TNFRSF19: variants seen among roughly 807,000 people sequenced by gnomAD.
The protein encoded by TNFRSF19 is TNF receptor superfamily member 19, also known as tumor necrosis factor receptor superfamily member 19.
In TNFRSF19, 27 loss-of-function variants were observed where a neutral mutation model predicts 46.4. That is an observed-to-expected ratio of 0.58 (90% CI 0.43 to 0.80). The LOEUF (loss-of-function observed/expected upper bound fraction) is 0.80, where lower values mean the gene tolerates loss of function less well. TNFRSF19 is among the 30% of genes least tolerant of loss of function. The pLI, the probability that TNFRSF19 is intolerant of heterozygous loss-of-function variation, is 0.00. For synonymous variants in TNFRSF19, 204 were observed against 205.0 expected (o/e 1.00, Z 0.04); for missense variants, 511 against 530.8 (o/e 0.96, Z 0.37).
At chr13:23,618,661 G>T (rs1275214191) in intron 4 of TNFRSF19, among the ~76,000 whole-genome samples, 2 of 152,134 alleles carry the variant, frequency 1.3e-5, no homozygotes, top group African/African-American at 4.8e-5. Flanking sequence ...TTGACTCTTA[G>T]GTATATAACC....
intron 5 of TNFRSF19, among the ~76,000 whole-genome samples, chr13:23,635,097 T>C (rs7997831): frequency 0.67 from 101,810 of 151,918 alleles, 34,487 homozygotes; most frequent in Middle Eastern, 0.73. Flanking sequence ...GGAGGGTAGG[T>C]GAGTCCTACC....
chr13:23,582,224 CAAAAAAAAAAAAAAAA>C (rs746493689), intron 1 of TNFRSF19, among the ~76,000 whole-genome samples: 6 of 98,044 alleles, frequency 6.1e-5, no homozygotes, highest in African/African-American at 7.5e-5. Context: ...ACTACAAATA[CAAAAAAAAAAAAAAAA>C]AAAAAAAAAA....
rs532691716 is a variant in TNFRSF19 at position 23,642,381 on chromosome 13, A to G, written c.445+15589A>G. Among the ~76,000 whole-genome samples the G allele has an allele frequency of 3.7e-4, 57 of 152,336 alleles. No individual in the cohort carries two copies. In the South Asian group the frequency reaches 6.2e-3, roughly 17 times the overall value. The stretch of plus-strand genomic sequence containing the variant: ...AGAAAGCATGACTAACACTTATGGC[A>G]GTTTACTGTGTGCCAGGTTCCACGC... On this transcript the variant is annotated intron_variant, in intron 5 of 9. Coordinates refer to ENST00000248484, the MANE Select transcript of TNFRSF19 (RefSeq NM_148957.4).
intron 5 of TNFRSF19, among the ~76,000 whole-genome samples, chr13:23,639,217 A>C (rs1200013808): frequency 1.3e-5 from 2 of 151,914 alleles, no homozygotes; most frequent in Non-Finnish European, 2.9e-5. Context: ...ACATGATGAA[A>C]CCCTATCTCT....
intron 5 of TNFRSF19, among the ~76,000 whole-genome samples, chr13:23,652,547 T>C (rs1883713874): frequency 6.6e-6 from 1 of 152,224 alleles, no homozygotes; most frequent in Non-Finnish European, 1.5e-5. Context: ...TCCAAGGATG[T>C]GGTCAATGGT....
intron 3 of TNFRSF19, among the ~76,000 whole-genome samples, chr13:23,611,094 G>A (rs1880877536): frequency 6.7e-6 from 1 of 149,854 alleles, no homozygotes; most frequent in Non-Finnish European, 1.5e-5. Context: ...TACCCTCCTT[G>A]CCCTCCCCTC....
intron 4 of TNFRSF19, among the ~76,000 whole-genome samples, chr13:23,616,613 G>A (rs552243562): frequency 9.9e-5 from 15 of 151,976 alleles, no homozygotes; most frequent in Admixed American, 4.6e-4. Flanking sequence ...ATGGAATTTC[G>A]CTCTTGTCAC....
At chr13:23,632,094 G>A (rs1328743509) in intron 5 of TNFRSF19, among the ~76,000 whole-genome samples, 5 of 152,282 alleles carry the variant, frequency 3.3e-5, no homozygotes, top group Middle Eastern at 6.8e-3. Flanking sequence ...AGGACTTCCT[G>A]GGGCCTCTGC....
chr13:23,585,233 A>C lies in TNFRSF19; in HGVS notation c.-34-4917A>C, dbSNP rs114166345. Among the ~76,000 whole-genome samples the C allele has an allele frequency of 6.6e-5, 10 of 152,340 alleles. 1 individual carries two copies. The highest frequency in any genetic ancestry group is 2.2e-4 in the African/African-American group (9 of 41,580). ...GTTTTTTTGATGAAAACTGTTACCAATTGCATGCACTGCATCTGTTGGATA... is the reference window on the plus strand; with the variant it reads ...GTTTTTTTGATGAAAACTGTTACCACTTGCATGCACTGCATCTGTTGGATA... On this transcript the variant is annotated intron_variant, in intron 1 of 9. Coordinates refer to ENST00000248484, the MANE Select transcript of TNFRSF19 (RefSeq NM_148957.4).
intron 3 of TNFRSF19, 79 bp downstream of exon 3, chr13:23,593,534 A>C: frequency 1.0e-6 from 1 of 978,246 alleles, no homozygotes. Flanking sequence ...TGAGTTAATT[A>C]TTAATGAAAC....
chr13:23,598,091 A>G (rs1879869449), intron 3 of TNFRSF19, among the ~76,000 whole-genome samples: 1 of 152,218 alleles, frequency 6.6e-6, no homozygotes, highest in South Asian at 2.1e-4. Flanking sequence ...GATTGAATGT[A>G]TCTGGAAATA....
intron 1 of TNFRSF19, among the ~76,000 whole-genome samples, chr13:23,586,561 G>T (rs1747842602): frequency 6.6e-6 from 1 of 152,332 alleles, no homozygotes. Context: ...CCCCGGCAGT[G>T]CTCCCCTGTC....
intron 3 of TNFRSF19, among the ~76,000 whole-genome samples, chr13:23,595,459 G>A (rs894690707): frequency 6.6e-6 from 1 of 152,118 alleles, no homozygotes; most frequent in Non-Finnish European, 1.5e-5. Flanking sequence ...ACTTCATGAA[G>A]CATACACAAG....
At chr13:23,625,313 C>T (rs1055548792) in intron 4 of TNFRSF19, among the ~76,000 whole-genome samples, 18 of 145,160 alleles carry the variant, frequency 1.2e-4, no homozygotes, top group African/African-American at 4.6e-4. Flanking sequence ...ATAAACAATG[C>T]TGTGATTGTA....
chr13:23,585,027 G>A (rs916081721), intron 1 of TNFRSF19, among the ~76,000 whole-genome samples: 2 of 152,078 alleles, frequency 1.3e-5, no homozygotes, highest in Non-Finnish European at 2.9e-5. Context: ...TAAGTCATTC[G>A]TGATTATGTT....
chr13:23,581,940 T>C (rs992957083), intron 1 of TNFRSF19, among the ~76,000 whole-genome samples: 3 of 152,196 alleles, frequency 2.0e-5, no homozygotes, highest in Admixed American at 2.0e-4. Flanking sequence ...ACATGTTCTA[T>C]TTGTGTTGAC....
At position 23,674,777 on chromosome 13, in the gene TNFRSF19, T is replaced by G. The variant is rs770513165; in HGVS notation, c.*1397T>G. The G allele has an allele frequency of 1.8e-4, 28 of 152,246 alleles. No individual in the cohort carries two copies. Among genetic ancestry groups the G allele is most frequent in the Non-Finnish European group, 3.5e-4 (24 of 68,046 alleles). The allele number at this position is 152,246 out of a possible 1,614,324, so 9.4% of individuals were successfully genotyped here. A position where few individuals can be genotyped will look rare whatever the true frequency, so the allele number is the denominator to read the frequency against. On this transcript the variant is annotated 3_prime_UTR_variant, in exon 10 of 10. Transcript: ENST00000248484. ...CCTGCCCAAGTCACTGTCTTTTAAC[T>G]TTTAAACTGAATATTAAAATGTATC...
At chr13:23,573,274 A>AT (rs34191812) in intron 1 of TNFRSF19, among the ~76,000 whole-genome samples, 1,605 of 147,802 alleles carry the variant, frequency 0.011, 36 homozygotes, top group African/African-American at 0.037. Context: ...ATTGTAGTGC[A>AT]TTTTTTTTTT....
intron 1 of TNFRSF19, among the ~76,000 whole-genome samples, chr13:23,578,672 C>T (rs1054811612): frequency 6.6e-6 from 1 of 152,250 alleles, no homozygotes; most frequent in African/African-American, 2.4e-5. Context: ...AACAATACTG[C>T]TTGCACTTTT....
Sources: gnomAD v4.1 joint callset for allele counts (sites outside exome capture counted in the v4.1 genomes callset) on GRCh38, gnomAD v4.1.1 for gene constraint, MANE v1.5 for transcripts, NCBI Gene and HGNC (gene_info 2026-07-23, HGNC 2026-07-21) for gene names.